Variants in RERGL observed in about 807,000 individuals in gnomAD.
RERGL encodes ras-related and estrogen-regulated growth inhibitor-like protein.
Under a neutral mutation model 24.7 loss-of-function variants are expected in RERGL, and 22 were observed. That is an observed-to-expected ratio of 0.89 (90% confidence interval 0.64 to 1.27). The LOEUF is 1.27. Ranked by LOEUF, RERGL falls within the 50% of genes most tolerant of loss-of-function variation. The pLI is 0.00. For missense variants in RERGL, 259 were observed against 235.3 expected (o/e 1.10, Z -0.66); for synonymous variants, 76 against 82.6 (o/e 0.92, Z 0.43).
intron 2 of RERGL, among the ~76,000 whole-genome samples, chr12:18,086,786 C>T (rs1213106169): frequency 6.6e-6 from 1 of 152,100 alleles, no homozygotes; most frequent in African/African-American, 2.4e-5. Context: ...GAAGCCCAGA[C>T]CTCATCCCTG....
chr12:18,085,810 T>C, intron 2 of RERGL, 117 bp from the exon 3 acceptor site: 1 of 576,244 alleles, frequency 1.7e-6, no homozygotes, highest in Non-Finnish European at 3.0e-6. Context: ...TGCTGGTGAC[T>C]GAAAGCATGT....
At chr12:18,087,241 A>C (rs2136833002) in intron 2 of RERGL, among the ~76,000 whole-genome samples, 1 of 152,268 alleles carries the variant, frequency 6.6e-6, no homozygotes, top group South Asian at 2.1e-4. Flanking sequence ...GCCAGATCAC[A>C]TCACTTATCT....
At chr12:18,088,387 A>G (rs916458259) in intron 2 of RERGL, among the ~76,000 whole-genome samples, 1 of 152,120 alleles carries the variant, frequency 6.6e-6, no homozygotes, top group Non-Finnish European at 1.5e-5. Flanking sequence ...AATTATATCA[A>G]AATGCCCCAG....
chr12:18,082,689 G>A (rs1249302707), intron 4 of RERGL, among the ~76,000 whole-genome samples: 2 of 152,056 alleles, frequency 1.3e-5, no homozygotes, highest in African/African-American at 2.4e-5. Context: ...TACTTATACA[G>A]TTACTATAAT....
chr12:18,085,181 C>A (rs1947208100), intron 3 of RERGL, among the ~76,000 whole-genome samples: 1 of 152,092 alleles, frequency 6.6e-6, no homozygotes, highest in Non-Finnish European at 1.5e-5. Context: ...CGTGTATAAT[C>A]CCATTTTAAC....
At chr12:18,089,416 CT>C in intron 1 of RERGL, 1 of 1,326,482 alleles carries the variant, frequency 7.5e-7, no homozygotes, top group Non-Finnish European at 9.6e-7. Flanking sequence ...AAAAGAACCT[CT>C]GGTATCCATT....
rs1947164809 is a variant in RERGL at position 18,081,027 on chromosome 12, C to T, written c.*164G>A. On this transcript the variant is annotated 3_prime_UTR_variant, in exon 5 of 5. Transcript: ENST00000538724. ...GAGCAGGGTACAACAACCAAAAAGG[C>T]AAACTACATATTTGAAAACACAGCT... 3 of 624,974 alleles carry T rather than the reference C, an allele frequency of 4.8e-6. No homozygotes were observed. The highest frequency in any genetic ancestry group is 2.5e-5 in the South Asian group (1 of 40,214). 38.7% of individuals were successfully genotyped at this position (624,974 alleles called of 1,614,324 possible). A position where few individuals can be genotyped will look rare whatever the true frequency, so the allele number is the denominator to read the frequency against.
Position 18,089,992 on chromosome 12 carries a change from T to C in RERGL, c.52+97A>G, listed in dbSNP as rs1947254906. On this transcript the variant is annotated intron_variant, in intron 1 of 4. Transcript: ENST00000538724. ...GTTATTATAGATATATTTTCATATA[T>C]ATGAAATATATATGAAATACGTGGT... 1.2e-5 allele frequency: 9 copies of C among 779,044 alleles called. No individual in the cohort carries two copies. In the South Asian group the frequency reaches 1.7e-4, roughly 14 times the overall value. 48.3% of individuals were successfully genotyped at this position (779,044 alleles called of 1,614,324 possible).
At chr12:18,085,304 T>C (rs1400532035) in intron 3 of RERGL, among the ~76,000 whole-genome samples, 1 of 152,174 alleles carries the variant, frequency 6.6e-6, no homozygotes, top group Non-Finnish European at 1.5e-5. Context: ...AAGAAGTGAA[T>C]TGATAAGTCA....
chr12:18,085,920 C>T (rs891045089), intron 2 of RERGL, among the ~76,000 whole-genome samples: 2 of 147,474 alleles, frequency 1.4e-5, no homozygotes, highest in Admixed American at 6.8e-5. Context: ...TGCAGTGGCG[C>T]GATCTCGGCT....
chr12:18,081,614 G>T, intron 4 of RERGL, 141 bp from the exon 5 acceptor site: 1 of 726,522 alleles, frequency 1.4e-6, no homozygotes, highest in Non-Finnish European at 2.1e-6. Context: ...ATGGTCATGT[G>T]TGTATACAGT....
chr12:18,081,299 C>G lies in RERGL; in HGVS notation c.507G>C (p.Lys169Asn), dbSNP rs1947168373. 5 of 1,613,716 alleles carry G rather than the reference C, an allele frequency of 3.1e-6. No individual in the cohort carries two copies. Among genetic ancestry groups the G allele is most frequent in the African/African-American group, 1.3e-5 (1 of 75,006 alleles). The change falls in exon 5 of 5, where the codon AAG (lysine) becomes AAC (asparagine). Residue 169 changes from lysine to asparagine, a missense_variant. Coordinates refer to ENST00000538724, the MANE Select transcript of RERGL (RefSeq NM_001286201.2). ...EVEMMFIRII[K>N]DILINFKLKE... ...TGAGTTTGAAGTTTATCAGGATGTC[C>G]TTGATAATTCTGATAAACATCATTT... is the stretch of plus-strand genomic sequence containing the variant.
chr12:18,081,328 C>A lies in RERGL; in HGVS notation c.478G>T (p.Val160Leu). Reference sequence around the variant, plus strand: ...ATAATTCTGATAAACATCATTTCCACCTCCAGAGACTGCTCTGCTGCAGAC... The same window carrying A: ...ATAATTCTGATAAACATCATTTCCAACTCCAGAGACTGCTCTGCTGCAGAC... ...ELSAAEQSLE[V>L]EMMFIRIIKD... The change falls in exon 5 of 5, where the codon GTG (valine) becomes TTG (leucine). Residue 160 changes from valine (V) to leucine (L), a missense_variant. Coordinates refer to ENST00000538724, the MANE Select transcript of RERGL (RefSeq NM_001286201.2). The A allele has an allele frequency of 6.2e-7, 1 of 1,614,102 alleles. No homozygotes were observed. Among genetic ancestry groups the A allele is most frequent in the Non-Finnish European group, 8.5e-7 (1 of 1,180,018 alleles).
chr12:18,085,578 T>A, intron 3 of RERGL, 42 bp downstream of exon 3: 1 of 1,270,086 alleles, frequency 7.9e-7, no homozygotes, highest in South Asian at 1.3e-5. Flanking sequence ...AAAAAATCAA[T>A]CAATAAATAA....
intron 4 of RERGL, among the ~76,000 whole-genome samples, chr12:18,082,159 A>AG (rs200092572): frequency 6.6e-6 from 1 of 151,536 alleles, no homozygotes; most frequent in Non-Finnish European, 1.5e-5. Context: ...AAAAAAAAAA[A>AG]GAATGAGAGC....
rs368672022 is a variant in RERGL at position 18,081,490 on chromosome 12, C to T, written c.333-17G>A. 2 of 1,442,252 alleles carry T rather than the reference C, an allele frequency of 1.4e-6. No individual in the cohort carries two copies. The highest frequency in any genetic ancestry group is 1.6e-5 in the South Asian group (1 of 64,104). 89.3% of individuals were successfully genotyped at this position (1,442,252 alleles called of 1,614,324 possible). Reference sequence around the variant, plus strand: ...TCCACAGCTCTGAAATAGAGATACACAATTTTTAGCAAGATTGTTTTAACA... The same window carrying T: ...TCCACAGCTCTGAAATAGAGATACATAATTTTTAGCAAGATTGTTTTAACA... On this transcript the variant is annotated splice_polypyrimidine_tract_variant and intron_variant, in intron 4 of 4. Transcript: ENST00000538724.
intron 3 of RERGL, among the ~76,000 whole-genome samples, chr12:18,085,343 A>G (rs1270624418): frequency 1.3e-5 from 2 of 152,222 alleles, no homozygotes; most frequent in Non-Finnish European, 2.9e-5. Context: ...TGACACTGTA[A>G]CCTGATAGAA....
At chr12:18,083,317 C>G (rs1947190423) in intron 4 of RERGL, among the ~76,000 whole-genome samples, 1 of 151,826 alleles carries the variant, frequency 6.6e-6, no homozygotes. Context: ...GAAAAATGTC[C>G]AATACAAATG....
At chr12:18,081,756 C>G (rs1243166835) in intron 4 of RERGL, among the ~76,000 whole-genome samples, 1 of 152,070 alleles carries the variant, frequency 6.6e-6, no homozygotes, top group Non-Finnish European at 1.5e-5. Context: ...TGTCTACTAA[C>G]CAAGTATGAT....
Sources: allele counts gnomAD v4.1 joint callset (sites outside exome capture counted in the v4.1 genomes callset), GRCh38; gene constraint gnomAD v4.1.1; transcripts MANE v1.5; gene names NCBI Gene and HGNC (gene_info 2026-07-23, HGNC 2026-07-21).